The following ZNF217 variants were observed in gnomAD, a reference collection of about 807,000 sequenced individuals.
ZNF217 encodes the protein zinc finger protein 217.
A neutral mutation model predicts 73.3 loss-of-function variants in ZNF217; 12 were observed. That is an observed-to-expected ratio of 0.16 (90% confidence interval 0.10 to 0.27). The LOEUF (loss-of-function observed/expected upper bound fraction) is 0.27. Ranked by LOEUF, ZNF217 falls within the 10% of genes least tolerant of loss-of-function variation. The pLI is 1.00. For synonymous variants in ZNF217, 588 were observed against 516.4 expected (o/e 1.14, Z -1.88); for missense variants, 1,195 against 1,327.8 (o/e 0.90, Z 1.55).
rs772961656 is a variant in ZNF217, at chr20:53,578,458, G to A, written c.1367-8C>T. ...CTCCATCATCATTTTTATCTTAAAG[G>A]AAAAACAAAAATATTTATATAAGAA... On this transcript the variant is annotated splice_region_variant and splice_polypyrimidine_tract_variant and intron_variant, in intron 2 of 5. Coordinates refer to ENST00000371471, the MANE Select transcript of ZNF217 (RefSeq NM_006526.3). 1 of 1,520,816 alleles carries A rather than the reference G, an allele frequency of 6.6e-7. No homozygotes were observed. Among genetic ancestry groups the A allele is most frequent in the Admixed American group, 2.1e-5 (1 of 46,864 alleles). 94.2% of individuals were successfully genotyped at this position (1,520,816 alleles called of 1,614,324 possible). A position where few individuals can be genotyped will look rare whatever the true frequency, so the allele number is the denominator to read the frequency against.
At position 53,581,485 on chromosome 20, in the gene ZNF217, C is replaced by A; in HGVS notation, c.1342G>T (p.Gly448Trp). The change falls in exon 2 of 6, where the codon GGG (glycine) becomes TGG (tryptophan). Residue 448 changes from glycine (G) to tryptophan (W), a missense_variant. Around this residue, in one of 9 missense-constraint regions of ZNF217, gnomAD observed 116 missense variants for 121.9 expected, o/e 0.95. Transcript: ENST00000371471. This position sits in a 1 kb window ranked among gnomAD's most constrained non-coding sequence, Gnocchi z 4.9. Reference protein sequence around the residue: ...EGGSEDGSEDGLPEGIHLDKN... With the variant: ...EGGSEDGSEDWLPEGIHLDKN... ...CCCAGATGGATTCCTTCGGGAAGCC[C>A]ATCCTCAGATCCGTCTTCAGAACCA... 6.2e-7 allele frequency: 1 copy of A among 1,611,100 alleles called. No homozygotes were observed. The highest frequency in any genetic ancestry group is 8.5e-7 in the Non-Finnish European group (1 of 1,177,730).
chr20:53,572,423 G>T (rs973432966), intron 4 of ZNF217, among the ~76,000 whole-genome samples: 2 of 147,440 alleles, frequency 1.4e-5, no homozygotes, highest in African/African-American at 5.1e-5. Flanking sequence ...CACAGAGGAG[G>T]GGAAAAAAAA....
At chr20:53,595,566 G>A (rs1240806210), upstream of ZNF217, among the ~76,000 whole-genome samples, 1 of 152,092 alleles carries the variant, frequency 6.6e-6, no homozygotes, top group Non-Finnish European at 1.5e-5. Context: ...CCCCACATAT[G>A]GTCTGGTTAG....
chr20:53,584,430 G>C (rs559084772), intron 1 of ZNF217, among the ~76,000 whole-genome samples: 1 of 152,254 alleles, frequency 6.6e-6, no homozygotes, highest in Admixed American at 6.5e-5. Context: ...GTTATCTTTA[G>C]TTTTGAATAA....
rs953535279 is a variant in ZNF217 at position 53,571,612 on chromosome 20, G to C, written c.*23+109C>G. 40 of 1,344,154 alleles carry C rather than the reference G, an allele frequency of 3.0e-5. No homozygotes were observed. The Admixed American group carries it at 3.1e-4, about 11-fold the overall frequency. 83.3% of individuals were successfully genotyped at this position (1,344,154 alleles called of 1,614,324 possible). A position where few individuals can be genotyped will look rare whatever the true frequency, so the allele number is the denominator to read the frequency against. On this transcript the variant is annotated intron_variant, in intron 5 of 5. Coordinates refer to ENST00000371471, the MANE Select transcript of ZNF217 (RefSeq NM_006526.3). ...GTACAGACAGGGGTTTCACCATGTT[G>C]GCCAAGCTGGTCTCAAATGCTCGAT...
chr20:53,576,496 G>A lies in ZNF217; in HGVS notation c.2268C>T (p.Cys756=), dbSNP rs1336272227. Residue 756 remains cysteine, a synonymous_variant, in exon 4 of 6, where the codon TGC becomes TGT. Coordinates refer to ENST00000371471, the MANE Select transcript of ZNF217 (RefSeq NM_006526.3). ...KSLLRSRRTG[C]PPALLGKDVP... is the part of the protein sequence containing the mutation. ...CATCTTTTCCCAGCAACGCTGGCGGGCATCCGGTACGTCGACTTCTAAGCA... is the reference window on the plus strand; with the variant it reads ...CATCTTTTCCCAGCAACGCTGGCGGACATCCGGTACGTCGACTTCTAAGCA... 1.9e-6 allele frequency: 3 copies of A among 1,614,230 alleles called. No individual in the cohort carries two copies. The highest frequency in any genetic ancestry group is 4.5e-5 in the East Asian group (2 of 44,886).
chr20:53,594,797 G>A (rs1260889037), upstream of ZNF217, among the ~76,000 whole-genome samples: 7 of 152,314 alleles, frequency 4.6e-5, no homozygotes, highest in Non-Finnish European at 8.8e-5. Context: ...GCCGTTGCTC[G>A]CGGGTTAGAA....
rs1350454030 is a variant in ZNF217, at chr20:53,567,115, A to G, written c.*2173T>C. The G allele has an allele frequency of 2.0e-5, 3 of 152,538 alleles. No individual in the cohort carries two copies. Among genetic ancestry groups the G allele is most frequent in the East Asian group, 1.9e-4 (1 of 5,196 alleles). The allele number at this position is 152,538 out of a possible 1,614,324, so 9.4% of individuals were successfully genotyped here. A position where few individuals can be genotyped will look rare whatever the true frequency, so the allele number is the denominator to read the frequency against. On this transcript the variant is annotated 3_prime_UTR_variant, in exon 6 of 6. Transcript: ENST00000371471. ...TATTTACACTTCCACATATAATAAC[A>G]TAACTTTAAGCTGAAATATATCATA...
At chr20:53,585,133 A>AT (rs1357632036) in intron 1 of ZNF217, among the ~76,000 whole-genome samples, 1 of 143,530 alleles carries the variant, frequency 7.0e-6, no homozygotes, top group Non-Finnish European at 1.5e-5. Flanking sequence ...GTTAGTCCCT[A>AT]TGTCAGCTCT....
At chr20:53,584,448 C>CTTTA (rs1439181563) in intron 1 of ZNF217, among the ~76,000 whole-genome samples, 2 of 152,210 alleles carry the variant, frequency 1.3e-5, no homozygotes, top group Non-Finnish European at 2.9e-5. Flanking sequence ...TAAACTAGAT[C>CTTTA]TTTAACATTA....
chr20:53,592,990 T>C (rs1042326770), intron 1 of ZNF217, among the ~76,000 whole-genome samples: 7 of 151,922 alleles, frequency 4.6e-5, no homozygotes, highest in African/African-American at 1.5e-4. Flanking sequence ...TAAGTGTTTA[T>C]AGAACATTAA....
chr20:53,572,826 G>A (rs545135798), intron 4 of ZNF217: 4 of 152,264 alleles, frequency 2.6e-5, no homozygotes, highest in African/African-American at 9.6e-5. Flanking sequence ...AGATGTCCCT[G>A]GGACACTGAG....
intron 1 of ZNF217, among the ~76,000 whole-genome samples, chr20:53,592,071 C>T (rs1432752638): frequency 6.6e-6 from 1 of 152,214 alleles, no homozygotes; most frequent in Non-Finnish European, 1.5e-5. Context: ...AACTCAAAAG[C>T]AATGAAGACA....
chr20:53,589,680 T>C (rs1273776985), intron 1 of ZNF217, among the ~76,000 whole-genome samples: 2 of 152,208 alleles, frequency 1.3e-5, no homozygotes, highest in African/African-American at 4.8e-5. Flanking sequence ...CAGATACCAC[T>C]GCAAATTTGT....
intron 3 of ZNF217, among the ~76,000 whole-genome samples, chr20:53,577,938 C>G (rs1319921825): frequency 6.6e-6 from 1 of 152,034 alleles, no homozygotes; most frequent in Non-Finnish European, 1.5e-5. Flanking sequence ...ATGGTGAAAC[C>G]CCATCTCTAC....
At chr20:53,575,658 T>G in intron 4 of ZNF217, 69 bp downstream of exon 4, 13 of 1,432,916 alleles carry the variant, frequency 9.1e-6, no homozygotes, top group South Asian at 1.4e-5. Context: ...CCATCTCCAC[T>G]GAGAATGCCT....
At chr20:53,597,083 C>A (rs199762842), upstream of ZNF217, among the ~76,000 whole-genome samples, 361 of 120,544 alleles carry the variant, frequency 3.0e-3, no homozygotes, top group Non-Finnish European at 3.6e-3. Flanking sequence ...AGTAACATAA[C>A]AAAAAAAAAA....
intron 2 of ZNF217, among the ~76,000 whole-genome samples, chr20:53,579,561 G>C (rs560974757): frequency 1.3e-5 from 2 of 152,212 alleles, no homozygotes; most frequent in East Asian, 1.9e-4. Context: ...GGGCGTTGTT[G>C]CAATTTCCGA....
chr20:53,586,750 A>C (rs991596059), intron 1 of ZNF217, among the ~76,000 whole-genome samples: 5 of 152,220 alleles, frequency 3.3e-5, no homozygotes, highest in African/African-American at 1.2e-4. Context: ...TAATCTACTA[A>C]CAGCAAATCA....
Sources: allele counts gnomAD v4.1 joint callset (sites outside exome capture counted in the v4.1 genomes callset), GRCh38; gene constraint gnomAD v4.1.1; regional missense constraint gnomAD v4.1.1; non-coding constraint Gnocchi (gnomAD v3.1); transcripts MANE v1.5; gene names NCBI Gene and HGNC (gene_info 2026-07-23, HGNC 2026-07-21).